CPNE4: variants seen among roughly 807,000 people sequenced by gnomAD.
CPNE4 encodes the protein copine 4.
CPNE4 carries 25 observed loss-of-function variants against 67.9 expected under a neutral mutation model. That is an observed-to-expected ratio of 0.37 (90% CI 0.27 to 0.51). The LOEUF (loss-of-function observed/expected upper bound fraction) is 0.51. Ranked by LOEUF, CPNE4 falls within the 20% of genes least tolerant of loss-of-function variation. CPNE4 has a pLI of 0.93. For synonymous variants in CPNE4, 242 were observed against 244.9 expected (o/e 0.99, Z 0.11); for missense variants, 464 against 690.8 (o/e 0.67, Z 3.68).
At chr3:131,890,719 G>A (rs2088080848) in intron 2 of CPNE4, among the ~76,000 whole-genome samples, 1 of 152,050 alleles carries the variant, frequency 6.6e-6, no homozygotes, top group Admixed American at 6.6e-5. Context: ...AGATGAATAA[G>A]CAAAGAAAGT....
intron 2 of CPNE4, among the ~76,000 whole-genome samples, chr3:131,812,456 A>AAG (rs1025131254): frequency 1.3e-5 from 2 of 152,174 alleles, no homozygotes; most frequent in African/African-American, 2.4e-5. Flanking sequence ...GGCAAAAACA[A>AAG]AGATATTGGA....
intron 7 of CPNE4, among the ~76,000 whole-genome samples, chr3:131,659,343 T>G (rs949631420): frequency 6.6e-6 from 1 of 151,906 alleles, no homozygotes; most frequent in African/African-American, 2.4e-5. Flanking sequence ...CCCAAGTATC[T>G]TCCCAGTAGC....
At chr3:131,745,624 C>G (rs2107787725) in intron 2 of CPNE4, among the ~76,000 whole-genome samples, 1 of 152,126 alleles carries the variant, frequency 6.6e-6, no homozygotes, top group African/African-American at 2.4e-5. Flanking sequence ...CAAGGTTTTT[C>G]TTTGTCTATA....
intron 2 of CPNE4, among the ~76,000 whole-genome samples, chr3:131,868,077 T>G (rs115287329): frequency 6.6e-6 from 1 of 152,304 alleles, no homozygotes; most frequent in Non-Finnish European, 1.5e-5. Flanking sequence ...TTTAACAACT[T>G]GTAAAGTTTA....
At chr3:131,941,260 A>G (rs1269223660) in intron 1 of CPNE4, among the ~76,000 whole-genome samples, 3 of 152,016 alleles carry the variant, frequency 2.0e-5, no homozygotes. Flanking sequence ...AATACCCCAA[A>G]AGCATCATTT....
chr3:132,001,052 G>T (rs1201166350), intron 1 of CPNE4, among the ~76,000 whole-genome samples: 1 of 151,966 alleles, frequency 6.6e-6, no homozygotes, highest in African/African-American at 2.4e-5. Context: ...AAACAAAGTT[G>T]TTTAAGTTGT....
chr3:131,796,152 GT>G (rs951842963), intron 2 of CPNE4, among the ~76,000 whole-genome samples: 1,951 of 145,390 alleles, frequency 0.013, 21 homozygotes, highest in Admixed American at 0.02. Flanking sequence ...AGATGACAGA[GT>G]TTTTTTTTTT....
At chr3:131,940,252 T>C (rs1218497878) in intron 1 of CPNE4, among the ~76,000 whole-genome samples, 1 of 152,172 alleles carries the variant, frequency 6.6e-6, no homozygotes, top group Non-Finnish European at 1.5e-5. Flanking sequence ...ATGAATCTTC[T>C]AGATTAACCA....
chr3:131,808,766 A>C (rs2084417053), intron 2 of CPNE4, among the ~76,000 whole-genome samples: 1 of 152,206 alleles, frequency 6.6e-6, no homozygotes, highest in Non-Finnish European at 1.5e-5. Flanking sequence ...TAGAAAAAGA[A>C]ATGTGGCAAT....
At chr3:131,972,342 A>G (rs2072526458) in intron 1 of CPNE4, among the ~76,000 whole-genome samples, 1 of 150,366 alleles carries the variant, frequency 6.7e-6, no homozygotes, top group African/African-American at 2.4e-5. Flanking sequence ...CAGCTAGCCA[A>G]CTTGGAGCCT....
chr3:131,956,418 A>C (rs1429326774), intron 1 of CPNE4, among the ~76,000 whole-genome samples: 1 of 152,172 alleles, frequency 6.6e-6, no homozygotes, highest in African/African-American at 2.4e-5. Flanking sequence ...TGGTTTACTG[A>C]GGTTTTCTAT....
chr3:131,987,386 GA>G (rs2073079384), intron 1 of CPNE4, among the ~76,000 whole-genome samples: 1 of 132,120 alleles, frequency 7.6e-6, no homozygotes, highest in Non-Finnish European at 1.6e-5. Flanking sequence ...AAGTTGTACA[GA>G]TTTTTTTTTT....
At position 131,685,730 on chromosome 3, in the gene CPNE4, G is replaced by A. The variant is rs970137626; in HGVS notation, c.591+145C>T. ...TGGGAGGTGGCGGTTGCAGTGAGAC[G>A]AGACTGCGCCACTGCACTCCAGCCT... On this transcript the variant is annotated intron_variant, in intron 6 of 15. Transcript: ENST00000429747. 2.4e-4 allele frequency: 135 copies of A among 573,244 alleles called. 1 individual carries two copies. The highest frequency in any genetic ancestry group is 7.8e-5 in the Non-Finnish European group (25 of 320,518). The allele number at this position is 573,244 out of a possible 1,614,324, so 35.5% of individuals were successfully genotyped here.
chr3:131,827,037 T>TAAAA (rs2085188445), intron 2 of CPNE4, among the ~76,000 whole-genome samples: 1 of 151,302 alleles, frequency 6.6e-6, no homozygotes, highest in Non-Finnish European at 1.5e-5. Flanking sequence ...GACCTGACTC[T>TAAAA]AAAAACAAAA....
At chr3:131,974,979 G>A (rs1459011518) in intron 1 of CPNE4, among the ~76,000 whole-genome samples, 2 of 152,172 alleles carry the variant, frequency 1.3e-5, no homozygotes, top group Admixed American at 1.3e-4. Flanking sequence ...CTGCACTCCA[G>A]GCTGGGTGAC....
At chr3:131,575,903 AGGG>A (rs1396967011) in intron 9 of CPNE4, among the ~76,000 whole-genome samples, 1 of 152,118 alleles carries the variant, frequency 6.6e-6, no homozygotes, top group Non-Finnish European at 1.5e-5. Context: ...CAAGTACCTT[AGGG>A]ATTTCTGGTC....
At chr3:131,715,656 AG>A (rs1418413811) in intron 3 of CPNE4, among the ~76,000 whole-genome samples, 2 of 152,240 alleles carry the variant, frequency 1.3e-5, no homozygotes, top group Admixed American at 1.3e-4. Flanking sequence ...ACTAAATAAA[AG>A]TGCCTGGAGT....
intron 1 of CPNE4, among the ~76,000 whole-genome samples, chr3:131,955,631 G>C (rs1384146787): frequency 6.6e-6 from 1 of 151,962 alleles, no homozygotes; most frequent in African/African-American, 2.4e-5. Flanking sequence ...CCAATGGGAA[G>C]CAAGAGTCAG....
chr3:131,987,753 G>A (rs1241089566), intron 1 of CPNE4, among the ~76,000 whole-genome samples: 1 of 152,126 alleles, frequency 6.6e-6, no homozygotes, highest in East Asian at 1.9e-4. Context: ...GGGGAAAAAT[G>A]CAGAACCCAT....
Sources: gnomAD v4.1 joint callset for allele counts (sites outside exome capture counted in the v4.1 genomes callset) on GRCh38, gnomAD v4.1.1 for gene constraint, MANE v1.5 for transcripts, NCBI Gene and HGNC (gene_info 2026-07-23, HGNC 2026-07-21) for gene names.